MLLT3: variants seen among roughly 807,000 people sequenced by gnomAD.
The protein encoded by MLLT3 is protein AF-9.
A neutral mutation model predicts 53.2 loss-of-function variants in MLLT3; 4 were observed. That is an observed-to-expected ratio of 0.08 (90% CI 0.04 to 0.17). MLLT3 has a LOEUF of 0.17. MLLT3 is among the 10% of genes least tolerant of loss of function. MLLT3 has a pLI of 1.00. For missense variants in MLLT3, 569 were observed against 684.0 expected (o/e 0.83, Z 1.87); for synonymous variants, 283 against 230.6 (o/e 1.23, Z -2.06).
chr9:20,494,754 G>A (rs142204903), intron 2 of MLLT3, among the ~76,000 whole-genome samples: 146 of 152,158 alleles, frequency 9.6e-4, no homozygotes, highest in African/African-American at 3.4e-3. Context: ...TTGGAATGCT[G>A]TTCAAAATTA....
intron 4 of MLLT3, among the ~76,000 whole-genome samples, chr9:20,422,584 G>C (rs1051912097): frequency 1.3e-5 from 2 of 152,140 alleles, no homozygotes; most frequent in East Asian, 1.9e-4. Flanking sequence ...TAACATGAAA[G>C]AGCAAAAGAT....
intron 5 of MLLT3, among the ~76,000 whole-genome samples, chr9:20,366,911 C>T (rs557501183): frequency 6.6e-6 from 1 of 152,348 alleles, no homozygotes; most frequent in East Asian, 1.9e-4. Context: ...ATTGACTCAA[C>T]TGGTTAAAAC....
rs181994116 is a variant in MLLT3, at chr9:20,500,313, A to C, written c.194-43527T>G. ...GCCTCTGAGCAGCTGGACTGCTTAC[A>C]TGAAGGCTGCAGGTTTCACAACTGA... On this transcript the variant is annotated intron_variant, in intron 2 of 10. Transcript: ENST00000380338. Among the ~76,000 whole-genome samples, 5 of 152,302 alleles carry C rather than the reference A, an allele frequency of 3.3e-5. No homozygotes were observed. In the East Asian group the frequency reaches 9.7e-4, roughly 29 times the overall value.
chr9:20,559,959 A>G (rs922627559), intron 2 of MLLT3, among the ~76,000 whole-genome samples: 1 of 152,334 alleles, frequency 6.6e-6, no homozygotes, highest in South Asian at 2.1e-4. Flanking sequence ...GGGCAACACC[A>G]GATACATTCT....
chr9:20,363,320 G>T, intron 7 of MLLT3, 156 bp downstream of exon 7: 2 of 739,820 alleles, frequency 2.7e-6, no homozygotes, highest in Non-Finnish European at 4.2e-6. Context: ...TCCCTGTAAA[G>T]TGTGTGTAGG....
intron 2 of MLLT3, among the ~76,000 whole-genome samples, chr9:20,515,326 G>C (rs1295748688): frequency 1.3e-5 from 2 of 152,168 alleles, no homozygotes; most frequent in African/African-American, 2.4e-5. Flanking sequence ...AGGGCATTCA[G>C]TGCTGAGGGG....
At chr9:20,615,360 GAAAAAAAAAAA>G (rs10601830) in intron 2 of MLLT3, among the ~76,000 whole-genome samples, 17 of 48,766 alleles carry the variant, frequency 3.5e-4, no homozygotes, top group Admixed American at 2.5e-3. Context: ...CAGACCATGT[GAAAAAAAAAAA>G]AAAAAAAAAA....
At chr9:20,586,683 GT>G (rs35176024) in intron 2 of MLLT3, among the ~76,000 whole-genome samples, 114,198 of 148,634 alleles carry the variant, frequency 0.77, 43,866 homozygotes, top group Middle Eastern at 0.87. Flanking sequence ...ACATCAAGGA[GT>G]TTTTTTTTTT....
At chr9:20,518,793 G>A (rs950321757) in intron 2 of MLLT3, among the ~76,000 whole-genome samples, 2 of 151,844 alleles carry the variant, frequency 1.3e-5, no homozygotes, top group East Asian at 3.9e-4. Flanking sequence ...CCAAATCAAG[G>A]GACATTCTAC....
chr9:20,570,184 T>C (rs892549226), intron 2 of MLLT3, among the ~76,000 whole-genome samples: 2 of 136,920 alleles, frequency 1.5e-5, no homozygotes, highest in Non-Finnish European at 3.1e-5. Context: ...AAATAGAGTA[T>C]GAAAAATGCC....
chr9:20,394,229 G>A (rs748563112), intron 5 of MLLT3, among the ~76,000 whole-genome samples: 16 of 152,122 alleles, frequency 1.1e-4, no homozygotes, highest in Non-Finnish European at 1.8e-4. Context: ...AGCATTGAGG[G>A]ACAGGTACCT....
chr9:20,365,810 A>C lies in MLLT3; in HGVS notation c.1126-66T>G, dbSNP rs746605633. On this transcript the variant is annotated intron_variant, in intron 5 of 10. Coordinates refer to ENST00000380338, the MANE Select transcript of MLLT3 (RefSeq NM_004529.4). Reference sequence around the variant, plus strand: ...GGATACCACACATCTAAAGTTGAAAACAGTATTGTTGCTCAAACCATCCTC... The same window carrying C: ...GGATACCACACATCTAAAGTTGAAACCAGTATTGTTGCTCAAACCATCCTC... The C allele has an allele frequency of 4.1e-4, 631 of 1,542,962 alleles. 1 individual carries two copies. The highest frequency in any genetic ancestry group is 5.0e-4 in the Non-Finnish European group (563 of 1,120,200).
chr9:20,565,954 T>TTTATATATATATATATTTA (rs1819352658), intron 2 of MLLT3, among the ~76,000 whole-genome samples: 2 of 34,694 alleles, frequency 5.8e-5, no homozygotes, highest in Admixed American at 7.5e-4. Flanking sequence ...ATATATATAT[T>TTTATATATATATATATTTA]TATATATATA....
intron 5 of MLLT3, among the ~76,000 whole-genome samples, chr9:20,382,064 C>A (rs2118698858): frequency 6.6e-6 from 1 of 151,888 alleles, no homozygotes; most frequent in African/African-American, 2.4e-5. Context: ...TTTTTTCCTA[C>A]TTTAAATCAC....
chr9:20,370,280 T>G (rs916562642), intron 5 of MLLT3, among the ~76,000 whole-genome samples: 1 of 152,196 alleles, frequency 6.6e-6, no homozygotes, highest in African/African-American at 2.4e-5. Flanking sequence ...CTGAGATCAG[T>G]GATCTTTGAT....
At chr9:20,603,024 C>A in intron 2 of MLLT3, among the ~76,000 whole-genome samples, 1 of 152,144 alleles carries the variant, frequency 6.6e-6, no homozygotes, top group South Asian at 2.1e-4. Context: ...TATGAAAGAT[C>A]ATTTTTAGAT....
chr9:20,409,580 T>C (rs1429784925), intron 5 of MLLT3, among the ~76,000 whole-genome samples: 1 of 152,186 alleles, frequency 6.6e-6, no homozygotes, highest in African/African-American at 2.4e-5. Context: ...AGAGATGAAC[T>C]CCTAAACCAG....
intron 5 of MLLT3, among the ~76,000 whole-genome samples, chr9:20,405,612 T>A (rs1822558849): frequency 6.6e-6 from 1 of 152,180 alleles, no homozygotes; most frequent in Admixed American, 6.5e-5. Flanking sequence ...TAAGAAGATA[T>A]AAAATAAAAG....
chr9:20,576,009 G>C (rs888256274), intron 2 of MLLT3, among the ~76,000 whole-genome samples: 2 of 152,172 alleles, frequency 1.3e-5, no homozygotes, highest in African/African-American at 2.4e-5. Context: ...AAAATCTGTT[G>C]TTTAGTGTAG....
Sources: gnomAD v4.1 joint callset for allele counts (sites outside exome capture counted in the v4.1 genomes callset) on GRCh38, gnomAD v4.1.1 for gene constraint, MANE v1.5 for transcripts, NCBI Gene and HGNC (gene_info 2026-07-23, HGNC 2026-07-21) for gene names.